Variants in GRID1 observed in about 807,000 individuals in gnomAD.
The protein encoded by GRID1 is glutamate receptor ionotropic, delta-1.
A neutral mutation model predicts 98.0 loss-of-function variants in GRID1; 28 were observed. That is an observed-to-expected ratio of 0.29 (90% CI 0.21 to 0.39). GRID1 has a LOEUF of 0.39. Among genes scored for constraint, GRID1 ranks in the 10% least tolerant of loss-of-function variants. GRID1 has a pLI of 1.00. For missense variants in GRID1, 1,111 were observed against 1,340.5 expected (o/e 0.83, Z 2.67); for synonymous variants, 553 against 538.5 (o/e 1.03, Z -0.37).
chr10:86,070,397 C>T (rs1254786374), intron 4 of GRID1, among the ~76,000 whole-genome samples: 1 of 152,178 alleles, frequency 6.6e-6, no homozygotes, highest in Non-Finnish European at 1.5e-5. Context: ...CAGAATCAAA[C>T]CTTCCATAGG....
At chr10:86,114,303 G>T (rs1327734884) in intron 4 of GRID1, among the ~76,000 whole-genome samples, 3 of 152,116 alleles carry the variant, frequency 2.0e-5, no homozygotes, top group Non-Finnish European at 4.4e-5. Context: ...TAACCTTGTG[G>T]TCTATGCTTT....
intron 4 of GRID1, among the ~76,000 whole-genome samples, chr10:85,973,375 T>C (rs1000837867): frequency 1.1e-4 from 16 of 151,914 alleles, no homozygotes; most frequent in African/African-American, 3.9e-4. Context: ...TTGTAGTTAT[T>C]TTTTTCCAAA....
In GRID1 at chr10:86,309,222, C is replaced by A. The variant is rs2132086986; in HGVS notation, c.235+54719G>T. On this transcript the variant is annotated intron_variant, in intron 2 of 15. Transcript: ENST00000327946. Reference sequence around the variant, plus strand: ...AGTAAGGTGAGTCCCAAAGACACAGCTGGAGTTTGACAAAGTGAAAAATGG... The same window carrying A: ...AGTAAGGTGAGTCCCAAAGACACAGATGGAGTTTGACAAAGTGAAAAATGG... 1.3e-5 allele frequency among the ~76,000 whole-genome samples: 2 copies of A among 152,234 alleles called. 1 individual carries two copies. Among genetic ancestry groups the A allele is most frequent in the South Asian group, 4.2e-4 (2 of 4,804 alleles).
intron 13 of GRID1, among the ~76,000 whole-genome samples, chr10:85,627,235 C>T (rs1268537544): frequency 2.6e-5 from 4 of 152,218 alleles, no homozygotes; most frequent in East Asian, 3.9e-4. Flanking sequence ...GCTAGCTCCA[C>T]GCTTGCTGCC....
At chr10:85,952,722 T>A (rs1245734343) in intron 4 of GRID1, among the ~76,000 whole-genome samples, 1 of 152,196 alleles carries the variant, frequency 6.6e-6, no homozygotes, top group Non-Finnish European at 1.5e-5. Context: ...TTCTCTCTGG[T>A]ATGATCCCCC....
chr10:85,610,427 G>A (rs956438195), intron 15 of GRID1, among the ~76,000 whole-genome samples: 2 of 152,154 alleles, frequency 1.3e-5, no homozygotes, highest in East Asian at 1.9e-4. Flanking sequence ...AGCTCCAGGA[G>A]GTATGATGAC....
At chr10:86,306,899 T>G (rs1326071851) in intron 2 of GRID1, among the ~76,000 whole-genome samples, 1 of 152,224 alleles carries the variant, frequency 6.6e-6, no homozygotes, top group Non-Finnish European at 1.5e-5. Flanking sequence ...ACAGTTGGTA[T>G]ACCTAACACT....
At chr10:85,662,397 T>C (rs1840975374) in intron 12 of GRID1, among the ~76,000 whole-genome samples, 1 of 152,156 alleles carries the variant, frequency 6.6e-6, no homozygotes, top group African/African-American at 2.4e-5. Flanking sequence ...AGGAGAGGGC[T>C]CCAACGCCAG....
At chr10:85,847,163 C>T (rs959335246) in intron 8 of GRID1, among the ~76,000 whole-genome samples, 4 of 152,212 alleles carry the variant, frequency 2.6e-5, no homozygotes, top group African/African-American at 9.6e-5. Flanking sequence ...AAGGGCTCTT[C>T]ACTTACAGAA....
At chr10:86,138,727 C>T (rs918330030) in intron 4 of GRID1, 92 bp downstream of exon 4, 15 of 997,050 alleles carry the variant, frequency 1.5e-5, no homozygotes, top group East Asian at 7.2e-5. Context: ...TTAGGCCATG[C>T]GTAAGACGAC....
chr10:85,703,547 G>C (rs1841478016), intron 12 of GRID1, among the ~76,000 whole-genome samples: 1 of 151,918 alleles, frequency 6.6e-6, no homozygotes, highest in Admixed American at 6.6e-5. Context: ...GAGGAAAAAA[G>C]GTATTTTAGT....
chr10:86,086,728 G>A (rs1469457425), intron 4 of GRID1, among the ~76,000 whole-genome samples: 1 of 152,204 alleles, frequency 6.6e-6, no homozygotes, highest in Non-Finnish European at 1.5e-5. Flanking sequence ...AAGTGTCTGT[G>A]TGTGTGCATA....
chr10:86,196,739 G>T (rs568253944), intron 3 of GRID1, among the ~76,000 whole-genome samples: 14 of 152,142 alleles, frequency 9.2e-5, no homozygotes, highest in African/African-American at 3.4e-4. Context: ...TACACAGGCA[G>T]TCTACACACT....
chr10:85,831,315 A>G (rs117840159), intron 8 of GRID1, among the ~76,000 whole-genome samples: 5,810 of 152,182 alleles, frequency 0.038, 146 homozygotes, highest in Non-Finnish European at 0.057. Flanking sequence ...AGAGGATTGA[A>G]AAGCTACCTA....
chr10:85,655,339 G>A (rs1840882857), intron 12 of GRID1, among the ~76,000 whole-genome samples: 1 of 152,162 alleles, frequency 6.6e-6, no homozygotes. Context: ...CTATCCTAAT[G>A]TTTTCCCTTT....
intron 4 of GRID1, among the ~76,000 whole-genome samples, chr10:86,005,539 A>G (rs1446364358): frequency 6.6e-6 from 1 of 152,208 alleles, no homozygotes; most frequent in East Asian, 1.9e-4. Context: ...TGAACTACCA[A>G]AAAATGAAAG....
At chr10:85,913,964 C>G (rs1841575721) in intron 5 of GRID1, among the ~76,000 whole-genome samples, 2 of 152,288 alleles carry the variant, frequency 1.3e-5, no homozygotes, top group South Asian at 2.1e-4. Flanking sequence ...CGGGCTGGCA[C>G]AGGGTACACT....
intron 8 of GRID1, among the ~76,000 whole-genome samples, chr10:85,819,967 G>GAGGA (rs544578610): frequency 0.02 from 1,755 of 88,378 alleles, 109 homozygotes; most frequent in East Asian, 0.044. Flanking sequence ...GAGAAAGAGA[G>GAGGA]AGGAAGGAAG....
intron 8 of GRID1, among the ~76,000 whole-genome samples, chr10:85,766,402 A>G (rs1024615050): frequency 7.9e-5 from 12 of 152,152 alleles, no homozygotes; most frequent in Admixed American, 6.5e-5. Context: ...GGGAGGATCA[A>G]TTGAACCCAG....
Sources: gnomAD v4.1 joint callset for allele counts (sites outside exome capture counted in the v4.1 genomes callset) on GRCh38, gnomAD v4.1.1 for gene constraint, MANE v1.5 for transcripts, NCBI Gene and HGNC (gene_info 2026-07-23, HGNC 2026-07-21) for gene names.